The following ZCCHC4 variants were observed in gnomAD, a reference collection of about 807,000 sequenced individuals.
ZCCHC4 encodes the protein zinc finger CCHC-type containing 4, also known as rRNA N(6)-adenosine-methyltransferase ZCCHC4.
Under a neutral mutation model 67.7 loss-of-function variants are expected in ZCCHC4, and 54 were observed. The observed-to-expected ratio is 0.80, with a 90% CI of 0.64 to 1.00. The LOEUF is 1.00. ZCCHC4 is among the 50% of genes least tolerant of loss of function. The pLI is 0.00. For missense variants in ZCCHC4, 609 were observed against 617.0 expected (o/e 0.99, Z 0.14); for synonymous variants, 198 against 213.5 (o/e 0.93, Z 0.63).
chr4:25,332,707 G>A (rs1415140635), intron 3 of ZCCHC4, among the ~76,000 whole-genome samples: 1 of 152,172 alleles, frequency 6.6e-6, no homozygotes, highest in Non-Finnish European at 1.5e-5. Flanking sequence ...GAGGAGCTTT[G>A]AGAAACATCT....
intron 3 of ZCCHC4, among the ~76,000 whole-genome samples, chr4:25,326,347 A>T (rs776353471): frequency 6.6e-6 from 1 of 152,228 alleles, no homozygotes. Flanking sequence ...ATGACCCAGG[A>T]TAACCTCCTC....
intron 10 of ZCCHC4, among the ~76,000 whole-genome samples, chr4:25,362,631 G>A (rs545658755): frequency 3.3e-5 from 5 of 152,124 alleles, no homozygotes; most frequent in South Asian, 4.1e-4. Flanking sequence ...AGGCATTGAC[G>A]TATTGGGTAC....
intron 5 of ZCCHC4, among the ~76,000 whole-genome samples, chr4:25,336,228 A>G (rs1719450584): frequency 6.6e-6 from 1 of 152,194 alleles, no homozygotes; most frequent in South Asian, 2.1e-4. Flanking sequence ...TATAAATAGA[A>G]TAATAAAATC....
rs1239516223 is a variant in ZCCHC4 at position 25,349,531 on chromosome 4, A to G, written c.799A>G (p.Lys267Glu). The part of the protein sequence containing the change: ...EVCRAFLQED[K>E]GEGIIMVTDP... ...ATGCAGAGCATTTTTACAGGAAGAT[A>G]AAGGCGAAGGAATCATTATGGTGAC... Residue 267 changes from lysine (K) to glutamate (E), a missense_variant, in exon 7 of 13, where the codon AAA becomes GAA. Physicochemically the swap from Lys to Glu is moderately conservative, Grantham distance 56. Transcript: ENST00000302874. 2 of 1,614,036 alleles carry G rather than the reference A, an allele frequency of 1.2e-6. No individual in the cohort carries two copies. Among genetic ancestry groups the G allele is most frequent in the Non-Finnish European group, 1.7e-6 (2 of 1,179,922 alleles).
chr4:25,361,361 G>C (rs1720727269), intron 8 of ZCCHC4, among the ~76,000 whole-genome samples: 1 of 152,208 alleles, frequency 6.6e-6, no homozygotes, highest in Admixed American at 6.5e-5. Flanking sequence ...TGGAGTGTAA[G>C]AGAGATGGCT....
At chr4:25,353,124 T>C (rs965393983) in intron 8 of ZCCHC4, among the ~76,000 whole-genome samples, 1 of 152,244 alleles carries the variant, frequency 6.6e-6, no homozygotes, top group Non-Finnish European at 1.5e-5. Flanking sequence ...AATTATTTCA[T>C]TTACAGGCTA....
intron 6 of ZCCHC4, among the ~76,000 whole-genome samples, chr4:25,346,730 G>A (rs1244410757): frequency 6.6e-6 from 1 of 152,174 alleles, no homozygotes; most frequent in Non-Finnish European, 1.5e-5. Flanking sequence ...ATAAACAGCA[G>A]TTATAATTAG....
At chr4:25,368,176 T>C (rs1431329922) in intron 12 of ZCCHC4, among the ~76,000 whole-genome samples, 2 of 152,206 alleles carry the variant, frequency 1.3e-5, no homozygotes, top group African/African-American at 2.4e-5. Flanking sequence ...GCTTTTCCTA[T>C]GGAGAAGCTT....
At chr4:25,346,250 A>T (rs1036674335) in intron 6 of ZCCHC4, among the ~76,000 whole-genome samples, 1 of 150,388 alleles carries the variant, frequency 6.6e-6, no homozygotes, top group African/African-American at 2.5e-5. Flanking sequence ...AAAAAAAAAA[A>T]GGACTGCAGT....
At chr4:25,342,993 A>G (rs1719828557) in intron 5 of ZCCHC4, among the ~76,000 whole-genome samples, 1 of 152,210 alleles carries the variant, frequency 6.6e-6, no homozygotes, top group Non-Finnish European at 1.5e-5. Context: ...AGGAATGACA[A>G]CAATAGGGAT....
rs765347621 is a variant in ZCCHC4, at chr4:25,365,005, T to C, written c.1262-17T>C. 6.2e-7 allele frequency: 1 copy of C among 1,610,928 alleles called. No homozygotes were observed. Among genetic ancestry groups the C allele is most frequent in the South Asian group, 1.1e-5 (1 of 90,134 alleles). On this transcript the variant is annotated splice_polypyrimidine_tract_variant and intron_variant, in intron 11 of 12. Transcript: ENST00000302874. The stretch of plus-strand genomic sequence containing the variant: ...CGTTACATGAACTTCCTTTAAAACT[T>C]AATTTTTATTTTACAGCCTGGATCC...
intron 8 of ZCCHC4, among the ~76,000 whole-genome samples, chr4:25,361,526 T>C (rs916430775): frequency 3.3e-5 from 5 of 152,198 alleles, no homozygotes; most frequent in African/African-American, 9.6e-5. Context: ...CCTGGAGCCA[T>C]TGTTGTCTGT....
At chr4:25,313,179 A>G (rs563587507) in intron 1 of ZCCHC4, among the ~76,000 whole-genome samples, 1 of 152,354 alleles carries the variant, frequency 6.6e-6, no homozygotes, top group South Asian at 2.1e-4. Context: ...GAAGGGGCAG[A>G]AAAGTAGGCA....
chr4:25,370,041 A>G lies in ZCCHC4; in HGVS notation c.*877A>G, dbSNP rs1721087482. 1 of 152,180 alleles carries G rather than the reference A, an allele frequency of 6.6e-6. No individual in the cohort carries two copies. The highest frequency in any genetic ancestry group is 2.4e-5 in the African/African-American group (1 of 41,454). The allele number at this position is 152,180 out of a possible 1,614,324, so 9.4% of individuals were successfully genotyped here. On this transcript the variant is annotated 3_prime_UTR_variant, in exon 13 of 13. Coordinates refer to ENST00000302874, the MANE Select transcript of ZCCHC4 (RefSeq NM_024936.3). The stretch of plus-strand genomic sequence containing the variant: ...ATTATTATTAAATATTTATTCTTCA[A>G]GTACTTTTTGCAGTTGTCCTCTGAC...
At chr4:25,341,182 G>C (rs1170120516) in intron 5 of ZCCHC4, among the ~76,000 whole-genome samples, 1 of 152,066 alleles carries the variant, frequency 6.6e-6, no homozygotes, top group Admixed American at 6.6e-5. Flanking sequence ...CACAAAATAT[G>C]TGTTAATTGA....
chr4:25,335,390 G>A (rs1719405716), intron 5 of ZCCHC4, among the ~76,000 whole-genome samples: 1 of 152,168 alleles, frequency 6.6e-6, no homozygotes, highest in Non-Finnish European at 1.5e-5. Context: ...GGAGGTTGCA[G>A]TGAGCTGAGT....
intron 2 of ZCCHC4, among the ~76,000 whole-genome samples, chr4:25,314,775 G>A (rs1448513539): frequency 6.6e-6 from 1 of 152,172 alleles, no homozygotes; most frequent in Non-Finnish European, 1.5e-5. Context: ...ACATTCAGTC[G>A]ATAGCACCGT....
intron 8 of ZCCHC4, chr4:25,352,056 T>C (rs1720326544): frequency 1.2e-5 from 12 of 997,492 alleles, no homozygotes; most frequent in African/African-American, 3.5e-5. Flanking sequence ...ATTATGAACG[T>C]TGGTTTCCTC....
At chr4:25,330,540 G>A (rs928274486) in intron 3 of ZCCHC4, among the ~76,000 whole-genome samples, 7 of 152,178 alleles carry the variant, frequency 4.6e-5, no homozygotes, top group African/African-American at 1.7e-4. Flanking sequence ...GTTTGCTTTT[G>A]TGGTATCACT....
Sources: gnomAD v4.1 joint callset for allele counts (sites outside exome capture counted in the v4.1 genomes callset) on GRCh38, gnomAD v4.1.1 for gene constraint, MANE v1.5 for transcripts, NCBI Gene and HGNC (gene_info 2026-07-23, HGNC 2026-07-21) for gene names.